Variants in TJAP1 observed in about 807,000 individuals in gnomAD.
TJAP1 encodes tight junction-associated protein 1.
Under a neutral mutation model 42.0 loss-of-function variants are expected in TJAP1, and 27 were observed. The observed-to-expected ratio is 0.64, with a 90% CI of 0.47 to 0.89. The LOEUF (loss-of-function observed/expected upper bound fraction) is 0.89, where lower values mean the gene tolerates loss of function less well. Ranked by LOEUF, TJAP1 falls within the 40% of genes least tolerant of loss-of-function variation. The pLI is 0.00. For missense variants in TJAP1, 712 were observed against 726.9 expected (o/e 0.98, Z 0.24); for synonymous variants, 257 against 288.4 (o/e 0.89, Z 1.10).
chr6:43,481,953 A>G (rs180907580), intron 2 of TJAP1, among the ~76,000 whole-genome samples: 115 of 152,336 alleles, frequency 7.5e-4, no homozygotes, highest in African/African-American at 2.6e-3. Context: ...TTGCGGGCTC[A>G]GGACTTTGGG....
intron 4 of TJAP1, among the ~76,000 whole-genome samples, chr6:43,499,639 G>A (rs930357603): frequency 6.6e-6 from 1 of 152,248 alleles, no homozygotes; most frequent in Non-Finnish European, 1.5e-5. Flanking sequence ...GGGGCCTATA[G>A]TCAGCTGCAA....
rs531793341 is a variant in TJAP1 at position 43,505,492 on chromosome 6, T to C, written c.1311T>C (p.Asp437=). ...CCCAGCGCACAGCCTTTGGACGCGA[T>C]GCCCTCCCTGAGCTGCAGCGCCATT... is the stretch of plus-strand genomic sequence containing the variant. The change falls in exon 11 of 11, where the codon GAT becomes GAC. Residue 437 remains aspartate, a synonymous_variant. Coordinates refer to ENST00000372449, the Ensembl canonical transcript of TJAP1. The surrounding 1 kb of genome is among the most constrained non-coding windows in gnomAD (Gnocchi z 5.5). The C allele has an allele frequency of 3.4e-5, 55 of 1,613,856 alleles. No homozygotes were observed. The East Asian group carries it at 1.1e-3, about 33-fold the overall frequency.
chr6:43,500,932 T>C (rs1309023428), intron 5 of TJAP1, 160 bp downstream of exon 5: 1 of 794,310 alleles, frequency 1.3e-6, no homozygotes, highest in East Asian at 2.5e-5. Flanking sequence ...ATGTTGTGGA[T>C]ATTTTTTCTG....
chr6:43,477,617 C>A (rs1237633959), exon 1 of TJAP1: 1 of 152,432 alleles, frequency 6.6e-6, no homozygotes, highest in African/African-American at 2.4e-5. Context: ...ACGCAGCTGG[C>A]AGCGGCGGAA....
At chr6:43,501,767 GTCTCTCTCTCTCTC>G (rs796459424) in intron 6 of TJAP1, 80 bp downstream of exon 6, 6 of 488,778 alleles carry the variant, frequency 1.2e-5, no homozygotes, top group Non-Finnish European at 7.4e-6. Flanking sequence ...CACTCTCTCT[GTCTCTCTCTCTCTC>G]TGTGTCTCTG....
chr6:43,501,952 CTCT>C, intron 6 of TJAP1, among the ~76,000 whole-genome samples: 5 of 147,828 alleles, frequency 3.4e-5, no homozygotes, highest in African/African-American at 7.7e-5. Flanking sequence ...CTCTCTCTCT[CTCT>C]CCTTTCATAG....
In TJAP1 at chr6:43,502,356, T is replaced by C; in HGVS notation, c.357+7T>C. On this transcript the variant is annotated splice_region_variant and intron_variant, in intron 7 of 10. Coordinates refer to ENST00000372449, the Ensembl canonical transcript of TJAP1. ...GGACAAGCTGCACACACTGGTAATC[T>C]GTCTGGGAGGGCAGCTTGGTGGGCA... is the stretch of plus-strand genomic sequence containing the variant. The C allele has an allele frequency of 6.2e-7, 1 of 1,613,356 alleles. No individual in the cohort carries two copies. Among genetic ancestry groups the C allele is most frequent in the South Asian group, 1.1e-5 (1 of 90,928 alleles).
At chr6:43,485,841 T>G (rs1198076486) in intron 2 of TJAP1, among the ~76,000 whole-genome samples, 1 of 152,196 alleles carries the variant, frequency 6.6e-6, no homozygotes, top group Non-Finnish European at 1.5e-5. Context: ...GGAAGGAAGG[T>G]CCTGCATAAA....
chr6:43,502,837 G>A, intron 8 of TJAP1: 4 of 617,120 alleles, frequency 6.5e-6, no homozygotes, highest in Non-Finnish European at 8.6e-6. Context: ...ACTGATTGAT[G>A]TCTCCACTGA....
intron 2 of TJAP1, among the ~76,000 whole-genome samples, chr6:43,484,513 A>G (rs1786019607): frequency 6.6e-6 from 1 of 152,222 alleles, no homozygotes; most frequent in Non-Finnish European, 1.5e-5. Context: ...TTGAATGAAT[A>G]AATTTCCCAT....
exon 4 of TJAP1, chr6:43,499,055 T>A (rs1203338070): frequency 6.2e-7 from 1 of 1,614,124 alleles, no homozygotes; most frequent in South Asian, 1.1e-5. Context: ...CACCAGAGCA[T>A]CGGGAGCTGC....
chr6:43,502,724 C>T (rs1397439340), intron 8 of TJAP1, 107 bp downstream of exon 8: 1 of 1,237,884 alleles, frequency 8.1e-7, no homozygotes, highest in East Asian at 2.5e-5. Flanking sequence ...AGTACACCCG[C>T]TCCTTTCTCT....
chr6:43,503,430 G>A (rs371150575), exon 9 of TJAP1: 4 of 1,614,022 alleles, frequency 2.5e-6, no homozygotes, highest in South Asian at 1.1e-5. Context: ...ATAGGAAGAC[G>A]CTGGACTGGG....
exon 11 of TJAP1, chr6:43,504,865 T>C: frequency 1.2e-6 from 2 of 1,614,180 alleles, no homozygotes; most frequent in Non-Finnish European, 1.7e-6. Context: ...CTGTGGTGCC[T>C]ACCTCAGTCA....
chr6:43,501,771 C>G lies in TJAP1; in HGVS notation c.290+84C>G, dbSNP rs551238999. On this transcript the variant is annotated intron_variant, in intron 6 of 10. Coordinates refer to ENST00000372449, the Ensembl canonical transcript of TJAP1. Reference sequence around the variant, plus strand: ...ACACACACACACACTCTCTCTGTCTCTCTCTCTCTCTGTGTCTCTGTCTCT... The same window carrying G: ...ACACACACACACACTCTCTCTGTCTGTCTCTCTCTCTGTGTCTCTGTCTCT... 94 of 678,090 alleles carry G rather than the reference C, an allele frequency of 1.4e-4. 2 individuals are homozygous for G. The highest frequency in any genetic ancestry group is 8.0e-4 in the Middle Eastern group (2 of 2,494). 42.0% of individuals were successfully genotyped at this position (678,090 alleles called of 1,614,324 possible). A position where few individuals can be genotyped will look rare whatever the true frequency, so the allele number is the denominator to read the frequency against.
chr6:43,486,355 T>C (rs1045746363), intron 2 of TJAP1, among the ~76,000 whole-genome samples: 7 of 99,826 alleles, frequency 7.0e-5, no homozygotes, highest in African/African-American at 2.6e-4. Flanking sequence ...TTCCAGTAGC[T>C]TTTTTTTTTT....
intron 2 of TJAP1, among the ~76,000 whole-genome samples, chr6:43,481,563 A>G (rs1785327312): frequency 6.6e-6 from 1 of 151,412 alleles, no homozygotes. Flanking sequence ...AATAATAAAA[A>G]TAGGAAGTAG....
chr6:43,503,319 T>C lies in TJAP1; in HGVS notation c.388-82T>C, dbSNP rs973788062. On this transcript the variant is annotated intron_variant, in intron 8 of 10. Coordinates refer to ENST00000372449, the Ensembl canonical transcript of TJAP1. ...CTGCCCTAGCACCTGTGGCCTCTTG[T>C]GTCTCCAGGATGGGAGGAGGTGGAG... 72 of 1,083,802 alleles carry C rather than the reference T, an allele frequency of 6.6e-5. No individual in the cohort carries two copies. In the East Asian group the frequency reaches 1.7e-3, roughly 26 times the overall value. 67.1% of individuals were successfully genotyped at this position (1,083,802 alleles called of 1,614,324 possible).
intron 2 of TJAP1, among the ~76,000 whole-genome samples, chr6:43,482,653 C>A (rs1207801798): frequency 6.6e-6 from 1 of 152,138 alleles, no homozygotes; most frequent in Non-Finnish European, 1.5e-5. Flanking sequence ...GACTAAGTGC[C>A]CTGAGAACAG....
Sources: allele counts gnomAD v4.1 joint callset (sites outside exome capture counted in the v4.1 genomes callset), GRCh38; gene constraint gnomAD v4.1.1; non-coding constraint Gnocchi (gnomAD v3.1); transcripts MANE v1.5; gene names NCBI Gene and HGNC (gene_info 2026-07-23, HGNC 2026-07-21).